Variants in SNX25 observed in about 807,000 individuals in gnomAD.
SNX25 encodes the protein sorting nexin 25.
In SNX25, 62 loss-of-function variants were observed where a neutral mutation model predicts 113.7. The ratio of observed to expected loss-of-function variants is 0.55; its 90% CI spans 0.44 to 0.67. The LOEUF (loss-of-function observed/expected upper bound fraction) is 0.67. SNX25 is among the 30% of genes least tolerant of loss of function. The pLI is 0.00. For synonymous variants in SNX25, 421 were observed against 436.2 expected, an observed-to-expected ratio of 0.97 and a Z score of 0.43; for missense variants, 1,014 against 1,161.0, an observed-to-expected ratio of 0.87 and a Z score of 1.84.
At chr4:185,310,931 C>G (rs1755155506) in intron 7 of SNX25, 115 bp downstream of exon 7, 2 of 963,302 alleles carry the variant, frequency 2.1e-6, no homozygotes, top group Non-Finnish European at 3.0e-6. Flanking sequence ...TGTGCCATAA[C>G]TACACACTGA....
At chr4:185,362,135 A>G in intron 17 of SNX25, 30 bp downstream of exon 17, 1 of 1,580,100 alleles carries the variant, frequency 6.3e-7, no homozygotes, top group South Asian at 1.1e-5. Flanking sequence ...CCTGAAAAGC[A>G]TAGAGATCTG....
In SNX25 at chr4:185,346,640, A is replaced by C; in HGVS notation, c.2291A>C (p.Lys764Thr). The C allele has an allele frequency of 1.9e-6, 3 of 1,571,516 alleles. No individual in the cohort carries two copies. The highest frequency in any genetic ancestry group is 2.3e-5 in the East Asian group (1 of 43,530). ...GAAAAGTCGAAGAATCAATTAAATAAGTTTTTACAGGTAAGCAAGTGAAAA... is the reference window on the plus strand; with the variant it reads ...GAAAAGTCGAAGAATCAATTAAATACGTTTTTACAGGTAAGCAAGTGAAAA... ...FMEKSKNQLN[K>T]FLQNLLSDER... The change falls in exon 13 of 19, where the codon AAG becomes ACG. Residue 764 changes from lysine to threonine, a missense_variant. Physicochemically the swap from Lys to Thr is moderately conservative, Grantham distance 78 (BLOSUM62 -1). Transcript: ENST00000652585.
chr4:185,274,008 A>G (rs1282212147), intron 5 of SNX25, among the ~76,000 whole-genome samples: 2 of 151,650 alleles, frequency 1.3e-5, no homozygotes, highest in East Asian at 3.9e-4. Flanking sequence ...ATCATATCCT[A>G]ATTCCAGCAA....
chr4:185,303,716 G>A (rs528316571), intron 6 of SNX25, among the ~76,000 whole-genome samples: 51 of 150,232 alleles, frequency 3.4e-4, no homozygotes, highest in African/African-American at 1.2e-3. Context: ...CACCCTGGCC[G>A]GGCTGCACAA....
chr4:185,315,800 C>G (rs2095069659), intron 7 of SNX25, among the ~76,000 whole-genome samples: 1 of 152,160 alleles, frequency 6.6e-6, no homozygotes, highest in Non-Finnish European at 1.5e-5. Context: ...ACTGGTAAAT[C>G]AGATTCAACA....
chr4:185,351,377 T>G, intron 13 of SNX25, 68 bp from the exon 14 acceptor site: 1 of 1,534,822 alleles, frequency 6.5e-7, no homozygotes, highest in Non-Finnish European at 8.9e-7. Flanking sequence ...TCGCTCACCT[T>G]TACTTGTAGC....
intron 12 of SNX25, among the ~76,000 whole-genome samples, chr4:185,346,148 C>T (rs1337706158): frequency 6.6e-6 from 1 of 152,196 alleles, no homozygotes; most frequent in East Asian, 1.9e-4. Context: ...CGTGAGCCAC[C>T]ACGCCCGGCC....
downstream of SNX25, among the ~76,000 whole-genome samples, chr4:185,375,086 GA>G (rs951362996): frequency 6.6e-6 from 1 of 151,878 alleles, no homozygotes; most frequent in Non-Finnish European, 1.5e-5. Context: ...CCCAAAAGAA[GA>G]AAATAATATT....
rs1408706272 is a variant in SNX25 at position 185,240,572 on chromosome 4, GC to G, written c.430-6721del. On this transcript the variant is annotated intron_variant, in intron 1 of 18. Coordinates refer to ENST00000652585, the MANE Select transcript of SNX25 (RefSeq NM_001378034.2). Reference sequence around the variant, plus strand: ...ACAGGGCGGCTGGCCGGGCAGAGGGGCTCCTCACTTCCCAGTAGGGGCGGCC... The same window carrying G: ...ACAGGGCGGCTGGCCGGGCAGAGGGGTCCTCACTTCCCAGTAGGGGCGGCC... Among the ~76,000 whole-genome samples, 12 of 147,820 alleles carry G rather than the reference GC, an allele frequency of 8.1e-5. No homozygotes were observed. In the East Asian group the frequency reaches 1.6e-3, roughly 20 times the overall value.
intron 6 of SNX25, among the ~76,000 whole-genome samples, chr4:185,290,639 C>T (rs1752026940): frequency 6.7e-6 from 1 of 150,032 alleles, no homozygotes; most frequent in South Asian, 2.2e-4. Context: ...AATGTGTGTA[C>T]ATGTTTATAT....
intron 8 of SNX25, among the ~76,000 whole-genome samples, chr4:185,322,203 T>G (rs1189904084): frequency 6.6e-6 from 1 of 152,064 alleles, no homozygotes; most frequent in Non-Finnish European, 1.5e-5. Context: ...GAGGCCAAGG[T>G]GGACAGTTCA....
At position 185,356,522 on chromosome 4, in the gene SNX25, G is replaced by A. The variant is rs535015482; in HGVS notation, c.2585-1149G>A. Among the ~76,000 whole-genome samples, 55 of 152,180 alleles carry A rather than the reference G, an allele frequency of 3.6e-4. No individual in the cohort carries two copies. The South Asian group carries it at 7.9e-3, about 22-fold the overall frequency. On this transcript the variant is annotated intron_variant, in intron 15 of 18. Transcript: ENST00000652585. ...TCAAAAAGTTTAAGACATTTTTGACGTTTGATTCCGACTCCAAGACTTGAC... is the reference window on the plus strand; with the variant it reads ...TCAAAAAGTTTAAGACATTTTTGACATTTGATTCCGACTCCAAGACTTGAC...
intron 9 of SNX25, among the ~76,000 whole-genome samples, chr4:185,325,725 TG>T (rs1387289518): frequency 2.0e-5 from 3 of 152,312 alleles, no homozygotes; most frequent in South Asian, 2.1e-4. Flanking sequence ...GCCATGGATT[TG>T]TACTGTCAGA....
downstream of SNX25, chr4:185,370,802 A>G (rs780397055): frequency 6.2e-6 from 10 of 1,614,152 alleles, no homozygotes; most frequent in South Asian, 3.3e-5. Context: ...GAACCTCATC[A>G]TAGTCAGCGA....
intron 5 of SNX25, among the ~76,000 whole-genome samples, chr4:185,281,343 C>T (rs1375222201): frequency 6.6e-6 from 1 of 152,118 alleles, no homozygotes; most frequent in Admixed American, 6.5e-5. Flanking sequence ...GCGGGGCAGA[C>T]TGTGTTTTAA....
At chr4:185,239,979 T>C (rs541024264) in intron 1 of SNX25, among the ~76,000 whole-genome samples, 1 of 150,778 alleles carries the variant, frequency 6.6e-6, no homozygotes, top group Non-Finnish European at 1.5e-5. Flanking sequence ...TTAACGAGCA[T>C]GCTTCCTTCA....
chr4:185,277,420 TG>T (rs1375538115), intron 5 of SNX25, among the ~76,000 whole-genome samples: 1 of 151,656 alleles, frequency 6.6e-6, no homozygotes, highest in Non-Finnish European at 1.5e-5. Flanking sequence ...TGGAGAAGAG[TG>T]GTAGAAGATG....
At chr4:185,357,802 C>A in intron 16 of SNX25, 65 bp downstream of exon 16, 1 of 1,288,182 alleles carries the variant, frequency 7.8e-7, no homozygotes, top group South Asian at 1.2e-5. Flanking sequence ...GTCAAATTAC[C>A]TTATGATCTA....
In SNX25 at chr4:185,297,819, ATCTAAATGTT is replaced by A. The variant is rs200057506; in HGVS notation, c.1162+9740_1162+9749del. 8.3e-3 allele frequency among the ~76,000 whole-genome samples: 1,259 copies of A among 150,972 alleles called. 11 individuals carry two copies. The highest frequency in any genetic ancestry group is 0.029 in the African/African-American group (1,167 of 40,714). On this transcript the variant is annotated intron_variant, in intron 6 of 18. Transcript: ENST00000652585. ...ATGGGGCTTCTACCTTCATCATCTC[ATCTAAATGTT>A]TCAAAGTGCCTACCTCCTAATACTG... is the stretch of plus-strand genomic sequence containing the variant.
Sources: gnomAD v4.1 joint callset for allele counts (sites outside exome capture counted in the v4.1 genomes callset) on GRCh38, gnomAD v4.1.1 for gene constraint, MANE v1.5 for transcripts, NCBI Gene and HGNC (gene_info 2026-07-23, HGNC 2026-07-21) for gene names.